LPO: variants seen among roughly 807,000 people sequenced by gnomAD.
LPO encodes the protein lactoperoxidase, also known as salivary peroxidase.
LPO carries 70 observed loss-of-function variants against 68.4 expected under a neutral mutation model. The ratio of observed to expected loss-of-function variants is 1.02; its 90% CI spans 0.84 to 1.25. LPO has a LOEUF of 1.25. Ranked by LOEUF, LPO falls within the 50% of genes most tolerant of loss-of-function variation. The pLI, the probability that LPO is intolerant of heterozygous loss-of-function variation, is 0.00. For synonymous variants in LPO, 360 were observed against 357.6 expected, an observed-to-expected ratio of 1.01 and a Z score of -0.08; for missense variants, 873 against 908.4, an observed-to-expected ratio of 0.96 and a Z score of 0.50.
chr17:58,255,383 C>T (rs60650460), intron 9 of LPO, among the ~76,000 whole-genome samples: 24,796 of 152,232 alleles, frequency 0.16, 2,166 homozygotes, highest in African/African-American at 0.25. Context: ...TGTTGATTGG[C>T]TGATCAACTA....
Position 58,243,002 on chromosome 17 carries a change from C to T in LPO, c.23C>T (p.Pro8Leu). MRVLLHLPALLASLILLQ... is the reference protein window; with the variant it reads MRVLLHLLALLASLILLQ... ...GTGATGAGGGTCCTTCTCCATCTCC[C>T]AGCCCTCCTGGCTTCCCTCATCTTG... The change falls in exon 2 of 13, where the codon CCA becomes CTA. Residue 8 changes from proline (P) to leucine (L), a missense_variant. Coordinates refer to ENST00000262290, the MANE Select transcript of LPO (RefSeq NM_006151.3). 1 of 1,614,100 alleles carries T rather than the reference C, an allele frequency of 6.2e-7. No individual in the cohort carries two copies. Among genetic ancestry groups the T allele is most frequent in the South Asian group, 1.1e-5 (1 of 91,076 alleles).
chr17:58,260,992 A>G (rs556933106), intron 9 of LPO, among the ~76,000 whole-genome samples: 25 of 152,132 alleles, frequency 1.6e-4, no homozygotes, highest in Admixed American at 3.3e-4. Flanking sequence ...CAGAAACTAT[A>G]CTCTGTATGA....
chr17:58,241,712 T>A (rs1296927061), intron 1 of LPO, among the ~76,000 whole-genome samples: 1 of 152,110 alleles, frequency 6.6e-6, no homozygotes, highest in Non-Finnish European at 1.5e-5. Flanking sequence ...GCCTTGCCCC[T>A]TCTCTAGAGT....
At chr17:58,253,908 C>T (rs570524233) in intron 8 of LPO, among the ~76,000 whole-genome samples, 13 of 152,116 alleles carry the variant, frequency 8.5e-5, no homozygotes, top group African/African-American at 3.1e-4. Flanking sequence ...GCCACAAGTT[C>T]GAGAACAGCC....
At chr17:58,256,990 C>CTTTTTTTTTTT (rs1040765289) in intron 9 of LPO, among the ~76,000 whole-genome samples, 1 of 75,060 alleles carries the variant, frequency 1.3e-5, no homozygotes, top group Non-Finnish European at 2.4e-5. Context: ...AGGTCTTACT[C>CTTTTTTTTTTT]TTTTTTTTTT....
chr17:58,257,257 C>T (rs1273418463), intron 9 of LPO, among the ~76,000 whole-genome samples: 1 of 152,024 alleles, frequency 6.6e-6, no homozygotes, highest in Admixed American at 6.6e-5. Context: ...TTGGTACCCA[C>T]CAACCATCTC....
In LPO at chr17:58,244,090, GACACACACACACACACAC is replaced by G. The variant is rs67390833; in HGVS notation, c.164+34_164+51del. On this transcript the variant is annotated intron_variant, in intron 3 of 12. Transcript: ENST00000262290. ...CTGGACTCCCGAACCAGGTACGTGA[GACACACACACACACACAC>G]ACACACACACACACACACACACACT... The G allele has an allele frequency of 4.1e-5, 43 of 1,061,332 alleles. No homozygotes were observed. Among genetic ancestry groups the G allele is most frequent in the African/African-American group, 8.6e-5 (5 of 58,408 alleles). The allele number at this position is 1,061,332 out of a possible 1,614,324, so 65.7% of individuals were successfully genotyped here. A position where few individuals can be genotyped will look rare whatever the true frequency, so the allele number is the denominator to read the frequency against.
At chr17:58,251,914 C>T in intron 7 of LPO, 1 of 703,438 alleles carries the variant, frequency 1.4e-6, no homozygotes. Context: ...GAGCTCAATA[C>T]TCCCTCCTCA....
At position 58,240,950 on chromosome 17, in the gene LPO, T is replaced by C. The variant is rs183614276; in HGVS notation, c.-2-2028T>C. ...GCTAGGGGGAAGGGGAAATAGGGAG[T>C]TGGTGTTCAATGGGTATAGGGTTTC... On this transcript the variant is annotated intron_variant, in intron 1 of 12. Transcript: ENST00000262290. Among the ~76,000 whole-genome samples the C allele has an allele frequency of 1.8e-4, 27 of 151,980 alleles. No individual in the cohort carries two copies. The East Asian group carries it at 5.2e-3, about 29-fold the overall frequency.
intron 3 of LPO, among the ~76,000 whole-genome samples, chr17:58,246,723 G>T (rs891760412): frequency 2.6e-5 from 4 of 152,158 alleles, no homozygotes; most frequent in African/African-American, 9.7e-5. Flanking sequence ...TCTGGGACCC[G>T]GCTGATGGAG....
intron 3 of LPO, among the ~76,000 whole-genome samples, chr17:58,244,689 T>C (rs1969822113): frequency 1.3e-5 from 2 of 152,184 alleles, no homozygotes; most frequent in African/African-American, 4.8e-5. Flanking sequence ...CAGTCAGACA[T>C]GGCTGCAGGC....
intron 9 of LPO, among the ~76,000 whole-genome samples, chr17:58,260,225 G>C (rs765574261): frequency 6.6e-6 from 1 of 152,146 alleles, no homozygotes; most frequent in African/African-American, 2.4e-5. Flanking sequence ...TGTTGATTTT[G>C]TATCCTGTGA....
chr17:58,263,668 A>G (rs1970210686), intron 9 of LPO, among the ~76,000 whole-genome samples: 1 of 151,982 alleles, frequency 6.6e-6, no homozygotes, highest in Non-Finnish European at 1.5e-5. Flanking sequence ...TAAATCAGGG[A>G]GGTCAAGGCT....
At chr17:58,241,082 C>T (rs1235931313) in intron 1 of LPO, among the ~76,000 whole-genome samples, 1 of 147,584 alleles carries the variant, frequency 6.8e-6, no homozygotes, top group Non-Finnish European at 1.5e-5. Context: ...AAATTTTATG[C>T]TATGTGGATT....
At chr17:58,266,933 G>C (rs564994823) in intron 11 of LPO, among the ~76,000 whole-genome samples, 1 of 152,316 alleles carries the variant, frequency 6.6e-6, no homozygotes, top group African/African-American at 2.4e-5. Context: ...AAACAATAGA[G>C]AGAAACCAAT....
At position 58,244,088 on chromosome 17, in the gene LPO, GAGACACACACACACACACACACACACAC is replaced by G; in HGVS notation, c.164+9_164+36del. 2 of 1,454,496 alleles carry G rather than the reference GAGACACACACACACACACACACACACAC, an allele frequency of 1.4e-6. No individual in the cohort carries two copies. The highest frequency in any genetic ancestry group is 1.9e-6 in the Non-Finnish European group (2 of 1,065,772). 90.1% of individuals were successfully genotyped at this position (1,454,496 alleles called of 1,614,324 possible). A position where few individuals can be genotyped will look rare whatever the true frequency, so the allele number is the denominator to read the frequency against. ...TCCTGGACTCCCGAACCAGGTACGT[GAGACACACACACACACACACACACACAC>G]ACACACACACACACACTTCCCTTCA... On this transcript the variant is annotated splice_region_variant and intron_variant, in intron 3 of 12. Coordinates refer to ENST00000262290, the MANE Select transcript of LPO (RefSeq NM_006151.3).
Position 58,252,503 on chromosome 17 carries a change from G to T in LPO, c.1102G>T (p.Ala368Ser). The part of the protein sequence containing the change: ...NTTARVPCFL[A>S]GDSRASEHIL... ...CACTGCCCGTGTGCCCTGCTTCCTG[G>T]CAGGTGAGTCTAGCCTGGGAACAGA... The change falls in exon 8 of 13, where the codon GCA becomes TCA. Residue 368 changes from alanine (A) to serine (S), a missense_variant. Transcript: ENST00000262290. 6.2e-7 allele frequency: 1 copy of T among 1,610,370 alleles called. No individual in the cohort carries two copies. Among genetic ancestry groups the T allele is most frequent in the Non-Finnish European group, 8.5e-7 (1 of 1,177,530 alleles).
Position 58,268,174 on chromosome 17 carries a change from C to G in LPO, c.*180C>G, listed in dbSNP as rs529192968. ...AGGGTGGCTGCCTCGGCCCTCCCAG[C>G]TCTTACACTCAGCTCCAGTGGCTTC... is the stretch of plus-strand genomic sequence containing the variant. On this transcript the variant is annotated 3_prime_UTR_variant, in exon 13 of 13. Coordinates refer to ENST00000262290, the MANE Select transcript of LPO (RefSeq NM_006151.3). 1.6e-4 allele frequency: 96 copies of G among 613,142 alleles called. 3 individuals are homozygous for G. The South Asian group carries it at 1.8e-3, about 12-fold the overall frequency. The allele number at this position is 613,142 out of a possible 1,614,324, so 38.0% of individuals were successfully genotyped here. A position where few individuals can be genotyped will look rare whatever the true frequency, so the allele number is the denominator to read the frequency against.
intron 9 of LPO, among the ~76,000 whole-genome samples, chr17:58,264,389 A>G (rs893623672): frequency 1.1e-4 from 17 of 152,210 alleles, no homozygotes; most frequent in African/African-American, 4.1e-4. Context: ...TTGTTACATT[A>G]AAGTGACACA....
Sources: allele counts gnomAD v4.1 joint callset (sites outside exome capture counted in the v4.1 genomes callset), GRCh38; gene constraint gnomAD v4.1.1; transcripts MANE v1.5; gene names NCBI Gene and HGNC (gene_info 2026-07-23, HGNC 2026-07-21).